Variants in OTC observed in about 807,000 individuals in gnomAD.
OTC encodes ornithine transcarbamylase, mitochondrial.
A neutral mutation model predicts 30.3 loss-of-function variants in OTC; 3 were observed. The observed-to-expected ratio is 0.10, with a 90% CI of 0.05 to 0.26. OTC has a LOEUF of 0.26. Ranked by LOEUF, OTC falls within the 10% of genes least tolerant of loss-of-function variation. The pLI is 1.00. For missense variants in OTC, 194 were observed against 260.3 expected, an observed-to-expected ratio of 0.75 and a Z score of 1.75; for synonymous variants, 111 against 99.7, an observed-to-expected ratio of 1.11 and a Z score of -0.67.
the OTC span, among the ~76,000 whole-genome samples, chrX:38,344,840 A>G: frequency 1.8e-5 from 2 of 111,199 alleles, no homozygotes; most frequent in Admixed American, 9.6e-5. Context: ...TGTTGTATCC[A>G]GAATATATAT....
upstream of OTC, among the ~76,000 whole-genome samples, chrX:38,350,871 T>C (rs776121571): frequency 3.6e-5 from 4 of 111,362 alleles, no homozygotes; most frequent in African/African-American, 9.8e-5. Context: ...AGTGAAGATA[T>C]GGGGTCAAGC....
intron 4 of OTC, among the ~76,000 whole-genome samples, chrX:38,385,017 C>G (rs1399685912): frequency 9.0e-6 from 1 of 111,568 alleles, no homozygotes; most frequent in East Asian, 2.8e-4. Flanking sequence ...GTAATCCTAG[C>G]ACTTTGGGAA....
At chrX:38,393,932 T>C (rs1174063738) in intron 4 of OTC, among the ~76,000 whole-genome samples, 1 of 111,535 alleles carries the variant, frequency 9.0e-6, no homozygotes. Flanking sequence ...CCTTTTTCCA[T>C]CTTCAAACCT....
intron 1 of OTC, among the ~76,000 whole-genome samples, chrX:38,361,820 C>T: frequency 8.9e-6 from 1 of 111,918 alleles, no homozygotes; most frequent in East Asian, 2.8e-4. Flanking sequence ...TACACATTTA[C>T]AACTGACAAT....
intron 1 of OTC, among the ~76,000 whole-genome samples, chrX:38,361,147 A>T (rs1351020508): frequency 9.0e-6 from 1 of 111,612 alleles, no homozygotes; most frequent in Non-Finnish European, 1.9e-5. Flanking sequence ...CTACTAAAAA[A>T]CACAAAAATT....
chrX:38,334,736 G>A, the OTC span, among the ~76,000 whole-genome samples: 1 of 112,280 alleles, frequency 8.9e-6, no homozygotes, highest in Admixed American at 9.4e-5. Flanking sequence ...GTTCCACCAA[G>A]ATGGATTGTC....
chrX:38,394,297 T>G (rs578072671), intron 4 of OTC, among the ~76,000 whole-genome samples: 12 of 112,677 alleles, frequency 1.1e-4, no homozygotes, highest in African/African-American at 3.9e-4. Flanking sequence ...TTCTTTTCTT[T>G]TATAACAGTT....
At chrX:38,337,344 A>G in the OTC span, among the ~76,000 whole-genome samples, 3 of 112,471 alleles carry the variant, frequency 2.7e-5, no homozygotes, top group Non-Finnish European at 5.6e-5. Flanking sequence ...AGACACACAT[A>G]AGAGACTCCT....
chrX:38,361,503 C>T (rs1256889986), intron 1 of OTC, among the ~76,000 whole-genome samples: 1 of 111,561 alleles, frequency 9.0e-6, no homozygotes, highest in African/African-American at 3.3e-5. Flanking sequence ...GAAGATGTCC[C>T]AGGGGAAGTA....
chrX:38,342,139 C>T, the OTC span, among the ~76,000 whole-genome samples: 1 of 106,793 alleles, frequency 9.4e-6, no homozygotes, highest in East Asian at 2.9e-4. Flanking sequence ...CCTGCCTCAG[C>T]CTCTCGATGC....
At chrX:38,376,697 T>C (rs1003787325) in intron 3 of OTC, among the ~76,000 whole-genome samples, 1 of 111,936 alleles carries the variant, frequency 8.9e-6, no homozygotes, top group African/African-American at 3.2e-5. Context: ...GCTATACTTA[T>C]ATCAGGTAAA....
chrX:38,354,789 C>T (rs2068232336), intron 1 of OTC, among the ~76,000 whole-genome samples: 1 of 111,850 alleles, frequency 8.9e-6, no homozygotes, highest in Non-Finnish European at 1.9e-5. Flanking sequence ...TGCATTCTCA[C>T]GTGGCATAGG....
intron 4 of OTC, among the ~76,000 whole-genome samples, chrX:38,388,872 T>C (rs1163667748): frequency 8.9e-6 from 1 of 112,463 alleles, no homozygotes; most frequent in South Asian, 3.7e-4. Flanking sequence ...TGTAGACCAC[T>C]ATATTAGTTT....
At chrX:38,409,860 T>G (rs1232189526) in intron 8 of OTC, among the ~76,000 whole-genome samples, 1 of 112,166 alleles carries the variant, frequency 8.9e-6, no homozygotes, top group Non-Finnish European at 1.9e-5. Flanking sequence ...AACAGAAGTT[T>G]GAAAAATAAA....
intron 9 of OTC, among the ~76,000 whole-genome samples, chrX:38,419,026 A>G (rs1401942241): frequency 1.8e-5 from 2 of 111,615 alleles, no homozygotes; most frequent in Non-Finnish European, 3.8e-5. Flanking sequence ...GGTGTGAGAC[A>G]AGGGTCCAAT....
At chrX:38,346,938 T>G in the OTC span, among the ~76,000 whole-genome samples, 1 of 112,511 alleles carries the variant, frequency 8.9e-6, no homozygotes, top group Admixed American at 9.4e-5. Flanking sequence ...TTAAGTTTAT[T>G]ACATACTGAT....
intron 3 of OTC, among the ~76,000 whole-genome samples, chrX:38,374,407 C>T (rs1343035557): frequency 9.1e-6 from 1 of 109,765 alleles, no homozygotes; most frequent in African/African-American, 3.3e-5. Flanking sequence ...CCTGGTAAAC[C>T]GGCAAATTCT....
At chrX:38,381,518 G>C in intron 4 of OTC, 89 bp downstream of exon 4, 2 of 642,015 alleles carry the variant, frequency 3.1e-6, no homozygotes, top group Non-Finnish European at 5.1e-6. Flanking sequence ...TTAAATAATG[G>C]TTTTCCCTCT....
chrX:38,371,432 G>A (rs1034133345), intron 3 of OTC, among the ~76,000 whole-genome samples: 1 of 111,746 alleles, frequency 8.9e-6, no homozygotes, highest in African/African-American at 3.3e-5. Flanking sequence ...CAATCAGACA[G>A]GGTCAAGGAG....
Sources: gnomAD v4.1 joint callset for allele counts (sites outside exome capture counted in the v4.1 genomes callset) on GRCh38, gnomAD v4.1.1 for gene constraint, MANE v1.5 for transcripts, NCBI Gene and HGNC (gene_info 2026-07-23, HGNC 2026-07-21) for gene names.